The following SAMM50 variants were observed in gnomAD, a reference collection of about 807,000 sequenced individuals.
SAMM50 encodes sorting and assembly machinery component 50 homolog.
In SAMM50, 47 loss-of-function variants were observed where a neutral mutation model predicts 66.9. The observed-to-expected ratio is 0.70, with a 90% CI of 0.56 to 0.90. The LOEUF is 0.90. SAMM50 is among the 40% of genes least tolerant of loss of function. The pLI, the probability that SAMM50 is intolerant of heterozygous loss-of-function variation, is 0.00. For missense variants in SAMM50, 535 were observed against 595.3 expected (o/e 0.90, Z 1.05); for synonymous variants, 191 against 214.1 (o/e 0.89, Z 0.94).
intron 8 of SAMM50, among the ~76,000 whole-genome samples, chr22:43,976,422 T>C (rs1029769446): frequency 6.6e-6 from 1 of 152,112 alleles, no homozygotes; most frequent in Non-Finnish European, 1.5e-5. Context: ...AATTTCAGCT[T>C]TCAAAAAGAA....
intron 10 of SAMM50, among the ~76,000 whole-genome samples, chr22:43,979,265 T>A (rs949827174): frequency 6.6e-6 from 1 of 152,232 alleles, no homozygotes; most frequent in African/African-American, 2.4e-5. Flanking sequence ...GTAGCAACTC[T>A]GGTTCTCCTG....
intron 7 of SAMM50, chr22:43,975,229 G>T: frequency 6.5e-6 from 1 of 152,692 alleles, no homozygotes; most frequent in Non-Finnish European, 1.5e-5. Context: ...TGGGTGCTGA[G>T]GTGGGTGCCT....
chr22:43,970,867 AAAAG>A (rs1376157620), intron 4 of SAMM50, among the ~76,000 whole-genome samples: 4 of 152,070 alleles, frequency 2.6e-5, no homozygotes, highest in African/African-American at 9.7e-5. Context: ...TAAAAAAAGA[AAAAG>A]AAAGAAAAGA....
chr22:43,981,284 G>A lies in SAMM50; in HGVS notation c.937-107G>A, dbSNP rs2050263328. ...TGCGGCCCTTGCACCCCATCGCGGA[G>A]CTCTGCACGCCACGGGCATTCAGTG... On this transcript the variant is annotated intron_variant, in intron 10 of 14. Coordinates refer to ENST00000350028, the MANE Select transcript of SAMM50 (RefSeq NM_015380.5). 6.9e-6 allele frequency: 6 copies of A among 868,662 alleles called. No individual in the cohort carries two copies. In the South Asian group the frequency reaches 8.1e-5, roughly 12 times the overall value. 53.8% of individuals were successfully genotyped at this position (868,662 alleles called of 1,614,324 possible). A position where few individuals can be genotyped will look rare whatever the true frequency, so the allele number is the denominator to read the frequency against.
intron 12 of SAMM50, 141 bp downstream of exon 12, chr22:43,984,141 A>G (rs1448322026): frequency 4.7e-6 from 3 of 639,126 alleles, no homozygotes; most frequent in Admixed American, 3.0e-5. Flanking sequence ...AGAACTTACC[A>G]TGTAGCAGGT....
chr22:43,961,408 T>C lies in SAMM50; in HGVS notation c.22-1878T>C, dbSNP rs544437831. Reference sequence around the variant, plus strand: ...AAATAAGAATTGAATAAATAGTATATGTTAAATATGTAAGTATATATAATA... The same window carrying C: ...AAATAAGAATTGAATAAATAGTATACGTTAAATATGTAAGTATATATAATA... On this transcript the variant is annotated intron_variant, in intron 1 of 14. Coordinates refer to ENST00000350028, the MANE Select transcript of SAMM50 (RefSeq NM_015380.5). Among the ~76,000 whole-genome samples the C allele has an allele frequency of 1.1e-3, 164 of 152,304 alleles. 2 individuals carry two copies. The highest frequency in any genetic ancestry group is 5.1e-4 in the Non-Finnish European group (35 of 68,028).
At chr22:43,970,496 A>G (rs898517576) in intron 4 of SAMM50, among the ~76,000 whole-genome samples, 2 of 152,170 alleles carry the variant, frequency 1.3e-5, no homozygotes, top group Admixed American at 6.5e-5. Flanking sequence ...CACCTGTCCT[A>G]GGTGTTGTAC....
intron 14 of SAMM50, among the ~76,000 whole-genome samples, chr22:43,992,214 G>A (rs772671255): frequency 2.0e-4 from 30 of 152,218 alleles, no homozygotes; most frequent in Non-Finnish European, 3.2e-4. Context: ...TGTAGGGGAT[G>A]GTGCTTTGTA....
intron 14 of SAMM50, among the ~76,000 whole-genome samples, chr22:43,992,151 C>T (rs189193369): frequency 5.3e-5 from 8 of 152,300 alleles, no homozygotes; most frequent in Admixed American, 4.6e-4. Context: ...TAGTTTGTGC[C>T]AGTTGAAGGA....
At position 43,996,409 on chromosome 22, in the gene SAMM50, G is replaced by A. The variant is rs1346638313; in HGVS notation, c.*26G>A. The A allele has an allele frequency of 1.9e-6, 3 of 1,612,606 alleles. No homozygotes were observed. Among genetic ancestry groups the A allele is most frequent in the Admixed American group, 3.3e-5 (2 of 60,012 alleles). On this transcript the variant is annotated 3_prime_UTR_variant, in exon 15 of 15. Transcript: ENST00000350028. ...CCGACACCCCTACAGGAGAAGCTCT[G>A]GGACTGGGGCAGCAGCAAGGCGCCC...
At chr22:43,986,912 T>G (rs2050297495) in intron 12 of SAMM50, 1 of 152,240 alleles carries the variant, frequency 6.6e-6, no homozygotes, top group Non-Finnish European at 1.5e-5. Flanking sequence ...AAGCAACAAC[T>G]ACACTCTGCA....
At chr22:43,966,508 C>T (rs1181840005) in intron 3 of SAMM50, among the ~76,000 whole-genome samples, 1 of 152,128 alleles carries the variant, frequency 6.6e-6, no homozygotes, top group African/African-American at 2.4e-5. Flanking sequence ...CAGGTGCACA[C>T]CACCACACCC....
intron 14 of SAMM50, 48 bp downstream of exon 14, chr22:43,990,454 A>G: frequency 6.3e-7 from 1 of 1,583,650 alleles, no homozygotes; most frequent in South Asian, 1.1e-5. Flanking sequence ...CTCTCCAGTA[A>G]TTTTATTTTG....
rs894276444 is a variant in SAMM50, at chr22:43,991,596, C to T, written c.1364+1190C>T. On this transcript the variant is annotated intron_variant, in intron 14 of 14. Coordinates refer to ENST00000350028, the MANE Select transcript of SAMM50 (RefSeq NM_015380.5). The stretch of plus-strand genomic sequence containing the variant: ...TTGTGTAAATTTTAAGAGATTCAGA[C>T]GTGTTTTCATTATAGTGTATCTCGG... Among the ~76,000 whole-genome samples the T allele has an allele frequency of 3.3e-5, 5 of 152,136 alleles. No individual in the cohort carries two copies. In the East Asian group the frequency reaches 5.8e-4, roughly 18 times the overall value.
chr22:43,994,621 G>A (rs1386340071), intron 14 of SAMM50, among the ~76,000 whole-genome samples: 2 of 152,328 alleles, frequency 1.3e-5, no homozygotes, highest in East Asian at 3.9e-4. Context: ...GCAGTGCTGG[G>A]TGAGAAGAAG....
In SAMM50 at chr22:43,955,597, G is replaced by T; in HGVS notation, c.20G>T (p.Arg7Leu). The T allele has an allele frequency of 6.3e-7, 1 of 1,597,414 alleles. No individual in the cohort carries two copies. Among genetic ancestry groups the T allele is most frequent in the East Asian group, 2.3e-5 (1 of 44,214 alleles). ...GGAACCATGGGGACTGTGCACGCCC[G>T]GGTAAGAGGCCCAGCGACCCGCGGG... MGTVHARSLEPLPSSGP... is the reference protein window; with the variant it reads MGTVHALSLEPLPSSGP... The change falls in exon 1 of 15, where the codon CGG (arginine) becomes CTG (leucine). Residue 7 changes from arginine to leucine, a missense_variant and splice_region_variant. Physicochemically the swap from Arg to Leu is moderately radical, Grantham distance 102. Transcript: ENST00000350028.
rs530746375 is a variant in SAMM50, at chr22:43,994,014, G to C, written c.1365-2324G>C. Among the ~76,000 whole-genome samples, 34 of 152,334 alleles carry C rather than the reference G, an allele frequency of 2.2e-4. 1 individual carries two copies. The highest frequency in any genetic ancestry group is 6.8e-3 in the Middle Eastern group (2 of 294). ...TGGAGACACAGGGCTGAATCAGGCAGGCTCGCTTGGGAGAGCAGCTCACAG... is the reference window on the plus strand; with the variant it reads ...TGGAGACACAGGGCTGAATCAGGCACGCTCGCTTGGGAGAGCAGCTCACAG... On this transcript the variant is annotated intron_variant, in intron 14 of 14. Coordinates refer to ENST00000350028, the MANE Select transcript of SAMM50 (RefSeq NM_015380.5).
At chr22:43,956,530 C>A (rs530056658) in intron 1 of SAMM50, among the ~76,000 whole-genome samples, 175 of 152,322 alleles carry the variant, frequency 1.1e-3, no homozygotes, top group Non-Finnish European at 1.8e-3. Flanking sequence ...AGGTCTGTTG[C>A]TCAGTGTGCT....
intron 8 of SAMM50, 54 bp from the exon 9 acceptor site, chr22:43,976,693 ATGG>A: frequency 7.6e-7 from 1 of 1,322,006 alleles, no homozygotes; most frequent in Admixed American, 1.7e-5. Context: ...GTGAGTGCTC[ATGG>A]TTATCTAATA....
Sources: allele counts gnomAD v4.1 joint callset (sites outside exome capture counted in the v4.1 genomes callset), GRCh38; gene constraint gnomAD v4.1.1; transcripts MANE v1.5; gene names NCBI Gene and HGNC (gene_info 2026-07-23, HGNC 2026-07-21).